Variants in ROR1 observed in about 807,000 individuals in gnomAD.
ROR1 encodes ROR family WNT receptor 1.
ROR1 carries 19 observed loss-of-function variants against 78.8 expected under a neutral mutation model. The ratio of observed to expected loss-of-function variants is 0.24; its 90% confidence interval spans 0.17 to 0.35. The LOEUF is 0.35. Among genes scored for constraint, ROR1 ranks in the 10% least tolerant of loss-of-function variants. The pLI is 1.00. For missense variants in ROR1, 917 were observed against 1,177.8 expected (o/e 0.78, Z 3.24); for synonymous variants, 386 against 433.6 (o/e 0.89, Z 1.36).
At position 64,178,725 on chromosome 1, in the gene ROR1, G is replaced by A. The variant is rs911967062; in HGVS notation, c.2684G>A (p.Gly895Asp). Residue 895 changes from glycine (G) to aspartate (D), a missense_variant, in exon 9 of 9, where the codon GGT becomes GAT. This residue lies in a region of ROR1 where 835 missense variants were observed against 1,069.8 expected (regional missense o/e 0.78). Coordinates refer to ENST00000371079, the MANE Select transcript of ROR1 (RefSeq NM_005012.4). The surrounding 1 kb of genome is among the most constrained non-coding windows in gnomAD (Gnocchi z 4.3). ...LPHMSIPNHP[G>D]GMGITVFGNK... ...CACATGTCAATTCCAAATCATCCTG[G>A]TGGAATGGGTATCACCGTTTTTGGC... The A allele has an allele frequency of 1.9e-6, 3 of 1,613,924 alleles. No homozygotes were observed. Among genetic ancestry groups the A allele is most frequent in the African/African-American group, 2.7e-5 (2 of 74,858 alleles).
At chr1:64,173,310 G>A (rs1188577767) in intron 8 of ROR1, among the ~76,000 whole-genome samples, 1 of 152,160 alleles carries the variant, frequency 6.6e-6, no homozygotes, top group Non-Finnish European at 1.5e-5. Flanking sequence ...GGGATTATAT[G>A]CTATATGGCC....
chr1:63,920,700 T>A (rs750379075), intron 1 of ROR1, among the ~76,000 whole-genome samples: 2 of 152,218 alleles, frequency 1.3e-5, no homozygotes, highest in Non-Finnish European at 2.9e-5. Context: ...CCTGGACACT[T>A]AATCATTTCC....
chr1:64,092,201 A>G (rs559923512), intron 4 of ROR1, among the ~76,000 whole-genome samples: 34 of 151,620 alleles, frequency 2.2e-4, no homozygotes, highest in Admixed American at 2.0e-3. Context: ...TTAGACAAGC[A>G]AAGAAAGAAA....
intron 1 of ROR1, among the ~76,000 whole-genome samples, chr1:63,810,839 A>G (rs979629628): frequency 6.6e-6 from 1 of 152,236 alleles, no homozygotes; most frequent in African/African-American, 2.4e-5. Context: ...TTGCTAGTCT[A>G]CAAATCTAAA....
Position 64,049,940 on chromosome 1 carries a change from A to C in ROR1, c.413A>C (p.Glu138Ala). 1 of 1,614,184 alleles carries C rather than the reference A, an allele frequency of 6.2e-7. No homozygotes were observed. The highest frequency in any genetic ancestry group is 1.1e-5 in the South Asian group (1 of 91,078). Residue 138 changes from glutamate (E) to alanine (A), a missense_variant, in exon 3 of 9, where the codon GAG (glutamate) becomes GCG (alanine). Glu to Ala is a moderately radical substitution (Grantham distance 107, BLOSUM62 -1). This residue lies in a region of ROR1 where 835 missense variants were observed against 1,069.8 expected (regional missense o/e 0.78). Coordinates refer to ENST00000371079, the MANE Select transcript of ROR1 (RefSeq NM_005012.4). ...CAGTGCGTGGCAACAAACGGCAAGG[A>C]GGTGGTTTCTTCCACTGGAGTCTTG... The part of the protein sequence containing the change: ...YFQCVATNGK[E>A]VVSSTGVLFV...
chr1:63,780,270 T>C (rs1308264391), intron 1 of ROR1, among the ~76,000 whole-genome samples: 2 of 152,122 alleles, frequency 1.3e-5, no homozygotes, highest in African/African-American at 4.8e-5. Flanking sequence ...CTTCCTTTGA[T>C]AGCTGCTTAA....
intron 2 of ROR1, among the ~76,000 whole-genome samples, chr1:64,017,728 C>A (rs147501984): frequency 6.0e-4 from 92 of 152,280 alleles, no homozygotes; most frequent in African/African-American, 2.0e-3. Context: ...CTGCAGATGG[C>A]TGTGTGAGCA....
At chr1:64,009,254 T>G (rs757421353) in intron 1 of ROR1, 51 bp from the exon 2 acceptor site, 1 of 1,330,508 alleles carries the variant, frequency 7.5e-7, no homozygotes, top group Admixed American at 1.7e-5. Context: ...TATAAATTAC[T>G]ATATTTAATA....
intron 1 of ROR1, among the ~76,000 whole-genome samples, chr1:63,975,097 C>T (rs888760354): frequency 6.6e-6 from 1 of 152,134 alleles, no homozygotes; most frequent in Non-Finnish European, 1.5e-5. Context: ...GCCCAGTAGG[C>T]AATTGGCCAG....
intron 4 of ROR1, chr1:64,110,847 C>A (rs1319704654): frequency 6.6e-6 from 1 of 151,996 alleles, no homozygotes; most frequent in African/African-American, 2.4e-5. Context: ...GAGTAAAGAC[C>A]TTTAACTTGA....
intron 4 of ROR1, among the ~76,000 whole-genome samples, chr1:64,130,010 T>G (rs1252805750): frequency 6.6e-6 from 1 of 152,126 alleles, no homozygotes; most frequent in Non-Finnish European, 1.5e-5. Flanking sequence ...GGAAAAAAAC[T>G]TCAAAATTTT....
At chr1:63,875,348 A>G (rs1202246706) in intron 1 of ROR1, among the ~76,000 whole-genome samples, 1 of 152,194 alleles carries the variant, frequency 6.6e-6, no homozygotes, top group Admixed American at 6.5e-5. Context: ...TAGTTTTTTC[A>G]GCAAGGCTTT....
At chr1:63,912,576 C>T (rs1645579659) in intron 1 of ROR1, among the ~76,000 whole-genome samples, 1 of 152,234 alleles carries the variant, frequency 6.6e-6, no homozygotes, top group South Asian at 2.1e-4. Flanking sequence ...TGCAAAAATA[C>T]AATGGTATGA....
intron 1 of ROR1, among the ~76,000 whole-genome samples, chr1:63,862,609 G>T (rs1212796659): frequency 6.6e-6 from 1 of 152,066 alleles, no homozygotes; most frequent in Admixed American, 6.6e-5. Context: ...GAGATGACCA[G>T]GTTCCATGGC....
chr1:64,002,537 A>C (rs1356533509), intron 1 of ROR1, among the ~76,000 whole-genome samples: 2 of 152,212 alleles, frequency 1.3e-5, no homozygotes, highest in Non-Finnish European at 2.9e-5. Flanking sequence ...CCCAAGTATG[A>C]TAGTTTTAAA....
chr1:63,880,891 TAGC>T (rs1056873109), intron 1 of ROR1, among the ~76,000 whole-genome samples: 11 of 152,166 alleles, frequency 7.2e-5, no homozygotes, highest in Non-Finnish European at 1.5e-4. Context: ...GGTTTAAATA[TAGC>T]ACTAGGAATT....
chr1:63,961,008 T>G (rs1646022846), intron 1 of ROR1, among the ~76,000 whole-genome samples: 2 of 152,216 alleles, frequency 1.3e-5, no homozygotes, highest in Non-Finnish European at 2.9e-5. Flanking sequence ...AGCAATTTGA[T>G]GTACCAGAGG....
chr1:63,789,451 A>G, intron 1 of ROR1: 1 of 260,864 alleles, frequency 3.8e-6, no homozygotes, highest in Non-Finnish European at 7.3e-6. Context: ...GACAATGATT[A>G]CTTTTGAGCT....
intron 1 of ROR1, among the ~76,000 whole-genome samples, chr1:63,903,201 C>T (rs1645499893): frequency 6.6e-6 from 1 of 152,160 alleles, no homozygotes. Context: ...TAATCTCTGC[C>T]CTATCAGCTG....
Sources: allele counts gnomAD v4.1 joint callset (sites outside exome capture counted in the v4.1 genomes callset), GRCh38; gene constraint gnomAD v4.1.1; regional missense constraint gnomAD v4.1.1; non-coding constraint Gnocchi (gnomAD v3.1); transcripts MANE v1.5; gene names NCBI Gene and HGNC (gene_info 2026-07-23, HGNC 2026-07-21).